WDR20: variants seen among roughly 807,000 people sequenced by gnomAD.
The protein encoded by WDR20 is WD repeat domain 20.
Under a neutral mutation model 38.7 loss-of-function variants are expected in WDR20, and 3 were observed. The ratio of observed to expected loss-of-function variants is 0.08; its 90% CI spans 0.04 to 0.20. WDR20 has a LOEUF of 0.20. Among genes scored for constraint, WDR20 ranks in the 10% least tolerant of loss-of-function variants. The pLI, the probability that WDR20 is intolerant of heterozygous loss-of-function variation, is 1.00. For missense variants in WDR20, 559 were observed against 727.7 expected, an observed-to-expected ratio of 0.77 and a Z score of 2.67; for synonymous variants, 298 against 285.6, an observed-to-expected ratio of 1.04 and a Z score of -0.44.
At chr14:102,182,799 A>G (rs557766177) in intron 1 of WDR20, among the ~76,000 whole-genome samples, 158 of 152,240 alleles carry the variant, frequency 1.0e-3, no homozygotes, top group Admixed American at 4.1e-3. Flanking sequence ...TATTTTGGTG[A>G]ATATCTTTTC....
At chr14:102,159,924 G>T (rs1410794446) in intron 1 of WDR20, among the ~76,000 whole-genome samples, 1 of 152,076 alleles carries the variant, frequency 6.6e-6, no homozygotes, top group Non-Finnish European at 1.5e-5. Context: ...GGGCAACATT[G>T]TGAGACCCTG....
chr14:102,190,105 A>T (rs2065951092), intron 1 of WDR20, among the ~76,000 whole-genome samples: 1 of 152,180 alleles, frequency 6.6e-6, no homozygotes, highest in South Asian at 2.1e-4. Flanking sequence ...GTGGAGAGGC[A>T]AGATGGTGTA....
rs192014452 is a variant in WDR20 at position 102,140,594 on chromosome 14, G to A, written c.249+422G>A. Among the ~76,000 whole-genome samples the A allele has an allele frequency of 3.5e-4, 53 of 152,286 alleles. No homozygotes were observed. In the East Asian group the frequency reaches 9.5e-3, roughly 27 times the overall value. ...CCTGGGTTAGAGAACAGGGACGCAA[G>A]ACGGCTTAACAAGATCTCTGTAAGG... On this transcript the variant is annotated intron_variant, in intron 1 of 2. Coordinates refer to ENST00000342702, the MANE Select transcript of WDR20 (RefSeq NM_144574.4).
intron 1 of WDR20, among the ~76,000 whole-genome samples, chr14:102,186,453 TTGG>T (rs2064765423): frequency 6.6e-6 from 1 of 152,148 alleles, no homozygotes. Flanking sequence ...GAAGAAAATT[TTGG>T]TTACATAGTT....
chr14:102,182,892 A>G (rs996402694), intron 1 of WDR20, among the ~76,000 whole-genome samples: 1 of 152,054 alleles, frequency 6.6e-6, no homozygotes, highest in Non-Finnish European at 1.5e-5. Flanking sequence ...CATAAAATAC[A>G]TATATATACA....
At chr14:102,156,118 A>C (rs1371589503) in intron 1 of WDR20, among the ~76,000 whole-genome samples, 1 of 150,726 alleles carries the variant, frequency 6.6e-6, no homozygotes, top group East Asian at 2.0e-4. Context: ...TGGTTGTTGC[A>C]TGTGTGTCAA....
At chr14:102,151,173 ATTTTTTTTT>A (rs534503694) in intron 1 of WDR20, among the ~76,000 whole-genome samples, 25 of 111,530 alleles carry the variant, frequency 2.2e-4, no homozygotes, top group Admixed American at 4.0e-4. Context: ...CCATTGGGGA[ATTTTTTTTT>A]TTTTTTTTTT....
intron 1 of WDR20, among the ~76,000 whole-genome samples, chr14:102,158,121 C>T (rs1376464047): frequency 2.0e-5 from 3 of 152,100 alleles, no homozygotes; most frequent in Non-Finnish European, 4.4e-5. Flanking sequence ...CACACTCGAT[C>T]CCAGTCTTGG....
chr14:102,209,327 A>C lies in WDR20; in HGVS notation c.1157A>C (p.Asp386Ala). The change falls in exon 3 of 3, where the codon GAT (aspartate) becomes GCT (alanine). Residue 386 changes from aspartate (D) to alanine (A), a missense_variant. By Grantham distance (126) the Asp-to-Ala change is moderately radical. Transcript: ENST00000342702. The surrounding 1 kb of genome is among the most constrained non-coding windows in gnomAD (Gnocchi z 6.0). ...TQLCLWDLTE[D>A]ILFPHQPLSR... is the part of the protein sequence containing the mutation. ...CTCTGTTTATGGGACCTTACAGAAG[A>C]TATCCTTTTCCCTCACCAACCCCTC... 6.2e-7 allele frequency: 1 copy of C among 1,614,120 alleles called. No individual in the cohort carries two copies. The highest frequency in any genetic ancestry group is 8.5e-7 in the Non-Finnish European group (1 of 1,180,028).
intron 1 of WDR20, among the ~76,000 whole-genome samples, chr14:102,142,774 C>CTGTTTTTTTTT (rs1193456475): frequency 1.2e-5 from 1 of 85,034 alleles, no homozygotes; most frequent in African/African-American, 4.3e-5. Context: ...GCTGTTTTGA[C>CTGTTTTTTTTT]TTTTTTTTTT....
chr14:102,145,528 C>T (rs984746274), intron 1 of WDR20, among the ~76,000 whole-genome samples: 9 of 152,084 alleles, frequency 5.9e-5, no homozygotes, highest in African/African-American at 9.7e-5. Flanking sequence ...GAGGCCAAGG[C>T]GGGAGGATTG....
rs1595705841 is a variant in WDR20 at position 102,140,272 on chromosome 14, C to T, written c.249+100C>T. On this transcript the variant is annotated intron_variant, in intron 1 of 2. Coordinates refer to ENST00000342702, the MANE Select transcript of WDR20 (RefSeq NM_144574.4). ...CAGGGTGACCGAGAGGGGTGGCCGT[C>T]GCTCTTACTTTTGAGTGGGCCGGTA... 2.6e-6 allele frequency: 4 copies of T among 1,530,558 alleles called. No individual in the cohort carries two copies. The East Asian group carries it at 7.1e-5, about 27-fold the overall frequency. 94.8% of individuals were successfully genotyped at this position (1,530,558 alleles called of 1,614,324 possible). A position where few individuals can be genotyped will look rare whatever the true frequency, so the allele number is the denominator to read the frequency against.
chr14:102,171,238 C>T (rs1190569), intron 1 of WDR20: 96,174 of 147,266 alleles, frequency 0.65, 34,798 homozygotes, highest in East Asian at 0.92. Flanking sequence ...GTGCAAGCCA[C>T]TGCGCCTGGC....
intron 1 of WDR20, among the ~76,000 whole-genome samples, chr14:102,176,547 A>G (rs770491799): frequency 6.6e-6 from 1 of 151,992 alleles, no homozygotes; most frequent in African/African-American, 2.4e-5. Flanking sequence ...AAACGCAAAA[A>G]TTCGTGCCCG....
intron 1 of WDR20, among the ~76,000 whole-genome samples, chr14:102,160,709 G>A (rs1043342929): frequency 6.6e-6 from 1 of 151,862 alleles, no homozygotes; most frequent in African/African-American, 2.4e-5. Flanking sequence ...TTGGGAGGCT[G>A]AGGCAGGTGG....
intron 1 of WDR20, among the ~76,000 whole-genome samples, chr14:102,182,856 C>CA (rs1200568959): frequency 6.6e-6 from 1 of 151,718 alleles, no homozygotes; most frequent in Non-Finnish European, 1.5e-5. Flanking sequence ...ATATATGGCC[C>CA]AAACAGAATT....
At chr14:102,193,551 C>G in intron 1 of WDR20, 1 of 1,602,146 alleles carries the variant, frequency 6.2e-7, no homozygotes. Context: ...CATGCACCCT[C>G]ATTCCTTTGC....
chr14:102,200,357 G>A (rs1057093487), intron 2 of WDR20, among the ~76,000 whole-genome samples: 1 of 152,148 alleles, frequency 6.6e-6, no homozygotes. Flanking sequence ...ATCGTGGAGC[G>A]TGTCCTCATC....
At chr14:102,196,994 G>A (rs1331429732) in intron 2 of WDR20, among the ~76,000 whole-genome samples, 8 of 152,176 alleles carry the variant, frequency 5.3e-5, no homozygotes, top group Admixed American at 5.2e-4. Flanking sequence ...AAGAGCAAGG[G>A]TCACCGGAGG....
Sources: gnomAD v4.1 joint callset for allele counts (sites outside exome capture counted in the v4.1 genomes callset) on GRCh38, gnomAD v4.1.1 for gene constraint, Gnocchi (gnomAD v3.1) non-coding constraint, MANE v1.5 for transcripts, NCBI Gene and HGNC (gene_info 2026-07-23, HGNC 2026-07-21) for gene names.